Variants in GAD2 observed in about 807,000 individuals in gnomAD.
The protein encoded by GAD2 is 65 kDa glutamic acid decarboxylase.
Under a neutral mutation model 80.1 loss-of-function variants are expected in GAD2, and 22 were observed. The observed-to-expected ratio is 0.27, with a 90% CI of 0.20 to 0.39. GAD2 has a LOEUF of 0.39. Among genes scored for constraint, GAD2 ranks in the 10% least tolerant of loss-of-function variants. The pLI is 1.00. For synonymous variants in GAD2, 274 were observed against 256.9 expected, an observed-to-expected ratio of 1.07 and a Z score of -0.64; for missense variants, 624 against 738.4, an observed-to-expected ratio of 0.85 and a Z score of 1.80.
Position 26,232,750 on chromosome 10 carries a change from G to A in GAD2, c.840+2973G>A, listed in dbSNP as rs1454154894. Among the ~76,000 whole-genome samples the A allele has an allele frequency of 2.6e-5, 4 of 152,024 alleles. No homozygotes were observed. The South Asian group carries it at 6.2e-4, about 24-fold the overall frequency. The stretch of plus-strand genomic sequence containing the variant: ...ACTTCTGACCTCAGGTGATCCATCC[G>A]CCTTCACCTCCCAAAGTGCTGGGAT... On this transcript the variant is annotated intron_variant, in intron 7 of 15. Coordinates refer to ENST00000376261, the MANE Select transcript of GAD2 (RefSeq NM_001134366.2).
intron 8 of GAD2, among the ~76,000 whole-genome samples, chr10:26,258,842 C>G (rs914727205): frequency 4.7e-5 from 7 of 150,082 alleles, no homozygotes; most frequent in African/African-American, 1.7e-4. Context: ...GAGACAGAGT[C>G]TCACTCTGTC....
intron 13 of GAD2, among the ~76,000 whole-genome samples, chr10:26,287,233 C>A (rs574086047): frequency 1.3e-5 from 2 of 152,280 alleles, no homozygotes; most frequent in African/African-American, 2.4e-5. Context: ...CATCCGGCTT[C>A]ATTTGTCTCC....
At chr10:26,257,779 A>T (rs554683591) in intron 8 of GAD2, among the ~76,000 whole-genome samples, 1 of 152,334 alleles carries the variant, frequency 6.6e-6, no homozygotes, top group South Asian at 2.1e-4. Flanking sequence ...CAATTGATTT[A>T]AACAATTGAA....
Position 26,264,056 on chromosome 10 carries a change from A to G in GAD2, c.921-5063A>G, listed in dbSNP as rs141725656. ...TGCAAGTCATATAATGCTAATAACA[A>G]CAATAACAATACTACTGCTAATAAC... On this transcript the variant is annotated intron_variant, in intron 8 of 15. Coordinates refer to ENST00000376261, the MANE Select transcript of GAD2 (RefSeq NM_001134366.2). Among the ~76,000 whole-genome samples, 304 of 152,330 alleles carry G rather than the reference A, an allele frequency of 2.0e-3. 3 individuals carry two copies. The highest frequency in any genetic ancestry group is 7.2e-3 in the African/African-American group (299 of 41,562).
At chr10:26,260,628 A>G (rs1034049816) in intron 8 of GAD2, among the ~76,000 whole-genome samples, 1 of 152,152 alleles carries the variant, frequency 6.6e-6, no homozygotes, top group Non-Finnish European at 1.5e-5. Flanking sequence ...ATTCCATCTC[A>G]AGAAAACAAA....
chr10:26,284,751 A>G (rs1211680502), intron 12 of GAD2, among the ~76,000 whole-genome samples: 1 of 151,772 alleles, frequency 6.6e-6, no homozygotes, highest in Non-Finnish European at 1.5e-5. Flanking sequence ...TTGTATTTTT[A>G]GTAGAGATGG....
intron 8 of GAD2, among the ~76,000 whole-genome samples, chr10:26,258,965 A>T (rs941957199): frequency 3.9e-5 from 6 of 151,988 alleles, no homozygotes; most frequent in African/African-American, 1.4e-4. Flanking sequence ...CTACAGGTGC[A>T]CGCCACCATG....
Position 26,303,871 on chromosome 10 carries a change from A to G in GAD2, c.*2910A>G, listed in dbSNP as rs1834354649. ...CTGAACTGTACAGTGTTGCAAATCA[A>G]CATGTGTTTCTGTAAAAGCTTGTAC... On this transcript the variant is annotated 3_prime_UTR_variant, in exon 16 of 16. Coordinates refer to ENST00000376261, the MANE Select transcript of GAD2 (RefSeq NM_001134366.2). The G allele has an allele frequency of 6.6e-6, 1 of 152,220 alleles. No homozygotes were observed. Among genetic ancestry groups the G allele is most frequent in the Non-Finnish European group, 1.5e-5 (1 of 68,058 alleles). 9.4% of individuals were successfully genotyped at this position (152,220 alleles called of 1,614,324 possible).
intron 6 of GAD2, among the ~76,000 whole-genome samples, chr10:26,226,573 T>C (rs1315492778): frequency 1.3e-5 from 2 of 152,246 alleles, no homozygotes; most frequent in South Asian, 2.1e-4. Flanking sequence ...TTACTGGCTA[T>C]GGATGCTATT....
chr10:26,268,151 C>G (rs1039119253), intron 8 of GAD2, among the ~76,000 whole-genome samples: 6 of 152,196 alleles, frequency 3.9e-5, no homozygotes, highest in Non-Finnish European at 8.8e-5. Context: ...TTAGCAACCT[C>G]CAGAGAGCTA....
chr10:26,232,646 G>A (rs148680980), intron 7 of GAD2, among the ~76,000 whole-genome samples: 1,667 of 151,916 alleles, frequency 0.011, 32 homozygotes, highest in African/African-American at 0.036. Flanking sequence ...GGGACTACAG[G>A]CACGTGCCGC....
At chr10:26,234,647 G>A (rs531156672) in intron 7 of GAD2, among the ~76,000 whole-genome samples, 9 of 152,148 alleles carry the variant, frequency 5.9e-5, no homozygotes, top group East Asian at 5.8e-4. Context: ...ACTTAATCTC[G>A]CTATGCCTCA....
At chr10:26,218,301 C>T (rs1360515674) in intron 3 of GAD2, 1 of 307,082 alleles carries the variant, frequency 3.3e-6, no homozygotes, top group African/African-American at 2.2e-5. Context: ...TGACGGCTGG[C>T]TTCCCTAGGC....
At chr10:26,254,424 C>G (rs554232055) in intron 8 of GAD2, among the ~76,000 whole-genome samples, 7 of 152,250 alleles carry the variant, frequency 4.6e-5, no homozygotes, top group South Asian at 2.1e-4. Context: ...GGGGCTCAGG[C>G]GGGAATGCTG....
rs1834358741 is a variant in GAD2, at chr10:26,304,314, T to TA, written c.*3356dup. On this transcript the variant is annotated 3_prime_UTR_variant, in exon 16 of 16. Transcript: ENST00000376261. ...CACGTGCTCTTCTGTTCTCAAATGC[T>TA]AAATGCAAACACTGTGTATTTATTA... The TA allele has an allele frequency of 6.6e-6, 1 of 152,670 alleles. No individual in the cohort carries two copies. Among genetic ancestry groups the TA allele is most frequent in the Non-Finnish European group, 1.5e-5 (1 of 68,052 alleles). 9.5% of individuals were successfully genotyped at this position (152,670 alleles called of 1,614,324 possible). A position where few individuals can be genotyped will look rare whatever the true frequency, so the allele number is the denominator to read the frequency against.
intron 7 of GAD2, among the ~76,000 whole-genome samples, chr10:26,239,268 A>T (rs1362338613): frequency 1.3e-5 from 2 of 152,136 alleles, no homozygotes; most frequent in Non-Finnish European, 2.9e-5. Context: ...TCTTTATTTG[A>T]GGTCTCTGTG....
At chr10:26,273,966 C>T (rs2132307375) in intron 11 of GAD2, among the ~76,000 whole-genome samples, 1 of 152,226 alleles carries the variant, frequency 6.6e-6, no homozygotes, top group Admixed American at 6.5e-5. Context: ...ATAGAGATTC[C>T]TGTCTAGGGT....
At chr10:26,246,087 C>A in intron 8 of GAD2, 87 bp downstream of exon 8, 3 of 1,027,718 alleles carry the variant, frequency 2.9e-6, no homozygotes, top group East Asian at 2.6e-5. Flanking sequence ...AGGAGAGGAC[C>A]ACGGGGCAGC....
At position 26,219,023 on chromosome 10, in the gene GAD2, A is replaced by G. The variant is rs1844420707; in HGVS notation, c.287-20A>G. 2.0e-6 allele frequency: 3 copies of G among 1,509,278 alleles called. No homozygotes were observed. The East Asian group carries it at 7.1e-5, about 36-fold the overall frequency. The allele number at this position is 1,509,278 out of a possible 1,614,324, so 93.5% of individuals were successfully genotyped here. A position where few individuals can be genotyped will look rare whatever the true frequency, so the allele number is the denominator to read the frequency against. On this transcript the variant is annotated intron_variant, in intron 3 of 15. Transcript: ENST00000376261. Reference sequence around the variant, plus strand: ...TTTCAAAGTAAAATTAAAATGTGGCATTTTAATTTCATTCTTTAGACCTGC... The same window carrying G: ...TTTCAAAGTAAAATTAAAATGTGGCGTTTTAATTTCATTCTTTAGACCTGC...
Sources: allele counts gnomAD v4.1 joint callset (sites outside exome capture counted in the v4.1 genomes callset), GRCh38; gene constraint gnomAD v4.1.1; transcripts MANE v1.5; gene names NCBI Gene and HGNC (gene_info 2026-07-23, HGNC 2026-07-21).